PRSS23: variants seen among roughly 807,000 people sequenced by gnomAD.
PRSS23 encodes serine protease 23.
A neutral mutation model predicts 34.7 loss-of-function variants in PRSS23; 25 were observed. The observed-to-expected ratio is 0.72, with a 90% CI of 0.53 to 1.01. The LOEUF (loss-of-function observed/expected upper bound fraction) is 1.01, where lower values mean the gene tolerates loss of function less well. Ranked by LOEUF, PRSS23 falls within the 50% of genes least tolerant of loss-of-function variation. The pLI is 0.00. For missense variants in PRSS23, 445 were observed against 475.6 expected (o/e 0.94, Z 0.60); for synonymous variants, 176 against 186.6 (o/e 0.94, Z 0.46).
chr11:86,889,974 G>T (rs2134971257), intron 2 of PRSS23, among the ~76,000 whole-genome samples: 1 of 152,260 alleles, frequency 6.6e-6, no homozygotes, highest in South Asian at 2.1e-4. Context: ...TTTTTTAAAA[G>T]TTCCCCAGTT....
intron 2 of PRSS23, among the ~76,000 whole-genome samples, chr11:86,834,386 C>G (rs1028560110): frequency 6.6e-6 from 1 of 152,046 alleles, no homozygotes; most frequent in East Asian, 1.9e-4. Context: ...TTCTGAGTAC[C>G]GGGACTTGGT....
intron 1 of PRSS23, among the ~76,000 whole-genome samples, chr11:86,819,776 A>G (rs1948240145): frequency 1.3e-5 from 2 of 152,256 alleles, no homozygotes; most frequent in Admixed American, 1.3e-4. Context: ...ATACATTTTC[A>G]TCTTCATTTC....
In PRSS23 at chr11:86,919,356, G is replaced by A. The variant is rs955041148; in HGVS notation, c.207-31860G>A. Among the ~76,000 whole-genome samples the A allele has an allele frequency of 2.6e-5, 4 of 152,228 alleles. No individual in the cohort carries two copies. In the South Asian group the frequency reaches 6.2e-4, roughly 24 times the overall value. On this transcript the variant is annotated intron_variant, in intron 2 of 2. Coordinates refer to the PRSS23 transcript ENST00000533902. ...GTATTCAAGCCTGCCACAGACGGAG[G>A]CCCTGTGGGCCACTCTCTCGTTGTG...
intron 2 of PRSS23, among the ~76,000 whole-genome samples, chr11:86,824,125 T>C (rs896270749): frequency 1.4e-5 from 2 of 144,856 alleles, no homozygotes; most frequent in African/African-American, 2.6e-5. Context: ...CTGGGCAACA[T>C]AGTGAAATCC....
intron 2 of PRSS23, among the ~76,000 whole-genome samples, chr11:86,943,404 C>A (rs754563992): frequency 1.3e-5 from 2 of 152,152 alleles, no homozygotes; most frequent in African/African-American, 4.8e-5. Flanking sequence ...GCGGGAGGAT[C>A]GCCTGAGGTC....
At chr11:86,867,758 T>A (rs979993731) in intron 2 of PRSS23, among the ~76,000 whole-genome samples, 1 of 151,240 alleles carries the variant, frequency 6.6e-6, no homozygotes, top group Non-Finnish European at 1.5e-5. Flanking sequence ...GTGCTTATAG[T>A]CCCAGCTACT....
chr11:86,900,781 C>CTCTCTTTT (rs775258446), intron 2 of PRSS23, among the ~76,000 whole-genome samples: 1 of 94,020 alleles, frequency 1.1e-5, no homozygotes, highest in African/African-American at 4.5e-5. Flanking sequence ...ATCTCTCTCT[C>CTCTCTTTT]TTTTTTTTTT....
Position 86,848,967 on chromosome 11 carries a change from T to C in PRSS23, c.206+25374T>C, listed in dbSNP as rs1948508947. Among the ~76,000 whole-genome samples the C allele has an allele frequency of 2.0e-5, 3 of 152,252 alleles. No individual in the cohort carries two copies. In the South Asian group the frequency reaches 6.2e-4, roughly 32 times the overall value. ...GAAACAAACTGCCCCCTCGCCCATGTCCAATATGCCAAGGCAATCACTGGA... is the reference window on the plus strand; with the variant it reads ...GAAACAAACTGCCCCCTCGCCCATGCCCAATATGCCAAGGCAATCACTGGA... On this transcript the variant is annotated intron_variant, in intron 2 of 2. Transcript: ENST00000533902.
At chr11:86,867,874 C>CAAAAAAAAAAAAAAAAAAAAAAAA (rs11352878) in intron 2 of PRSS23, among the ~76,000 whole-genome samples, 3 of 118,312 alleles carry the variant, frequency 2.5e-5, no homozygotes, top group Admixed American at 8.5e-5. Flanking sequence ...GACCCTACCT[C>CAAAAAAAAAAAAAAAAAAAAAAAA]AAAAAAAAAA....
intron 1 of PRSS23, among the ~76,000 whole-genome samples, chr11:86,804,603 A>C (rs981519616): frequency 2.6e-5 from 4 of 152,234 alleles, no homozygotes; most frequent in Non-Finnish European, 5.9e-5. Flanking sequence ...TTTTTCTTAT[A>C]GATGGCTGGC....
intron 2 of PRSS23, among the ~76,000 whole-genome samples, chr11:86,914,234 A>G (rs1948998186): frequency 6.6e-6 from 1 of 152,120 alleles, no homozygotes; most frequent in African/African-American, 2.4e-5. Flanking sequence ...TCAAAAAACA[A>G]AAAACAACAA....
At chr11:86,822,411 A>G (rs1948258807) in intron 1 of PRSS23, among the ~76,000 whole-genome samples, 1 of 152,118 alleles carries the variant, frequency 6.6e-6, no homozygotes, top group Non-Finnish European at 1.5e-5. Context: ...GCTTGAGCTC[A>G]GGAGTTTGAG....
chr11:86,814,946 C>G (rs887825136), downstream of PRSS23, among the ~76,000 whole-genome samples: 1 of 152,174 alleles, frequency 6.6e-6, no homozygotes, highest in African/African-American at 2.4e-5. Flanking sequence ...ATACTGTGCT[C>G]TCTTAGTCTT....
chr11:86,798,339 C>T (rs541225632), upstream of PRSS23, among the ~76,000 whole-genome samples: 16 of 152,344 alleles, frequency 1.1e-4, no homozygotes, highest in African/African-American at 3.1e-4. Context: ...GTTACCACTT[C>T]ACTTGCTATG....
rs138869503 is a variant in PRSS23 at position 86,871,083 on chromosome 11, T to C, written c.206+47490T>C. 2.0e-5 allele frequency among the ~76,000 whole-genome samples: 3 copies of C among 152,300 alleles called. No homozygotes were observed. In the East Asian group the frequency reaches 5.8e-4, roughly 29 times the overall value. On this transcript the variant is annotated intron_variant, in intron 2 of 2. Transcript: ENST00000533902. ...TTTATTATACACTGGACCAGCTGAA[T>C]TGGAGCGCTTAGACTATATTTTCCT...
At chr11:86,848,289 C>G (rs1223051390) in intron 2 of PRSS23, among the ~76,000 whole-genome samples, 2 of 152,204 alleles carry the variant, frequency 1.3e-5, no homozygotes, top group East Asian at 3.8e-4. Flanking sequence ...GCTTTAGCAG[C>G]AGCCCAGCAA....
chr11:86,894,558 G>A (rs150795653), intron 2 of PRSS23, among the ~76,000 whole-genome samples: 1 of 152,234 alleles, frequency 6.6e-6, no homozygotes, highest in East Asian at 1.9e-4. Context: ...CAGTGTCAAG[G>A]GACCAGTGCC....
chr11:86,809,771 A>G lies in PRSS23; in HGVS notation c.*976A>G, dbSNP rs1948156563. On this transcript the variant is annotated 3_prime_UTR_variant, in exon 2 of 2. Transcript: ENST00000280258. ...TAAAATGAATTAAATTCCAGAGAAC[A>G]ATGGAAGCATTGCCTGGCAGATGTC... is the stretch of plus-strand genomic sequence containing the variant. 6.0e-6 allele frequency: 1 copy of G among 167,038 alleles called. No homozygotes were observed. The highest frequency in any genetic ancestry group is 2.4e-5 in the African/African-American group (1 of 41,446). The allele number at this position is 167,038 out of a possible 1,614,324, so 10.3% of individuals were successfully genotyped here. A position where few individuals can be genotyped will look rare whatever the true frequency, so the allele number is the denominator to read the frequency against.
At chr11:86,902,047 A>C (rs958685547) in intron 2 of PRSS23, among the ~76,000 whole-genome samples, 2 of 152,040 alleles carry the variant, frequency 1.3e-5, no homozygotes, top group African/African-American at 4.8e-5. Context: ...AATGGTGCTG[A>C]GCACAGAGTA....
Sources: allele counts gnomAD v4.1 joint callset (sites outside exome capture counted in the v4.1 genomes callset), GRCh38; gene constraint gnomAD v4.1.1; transcripts MANE v1.5; gene names NCBI Gene and HGNC (gene_info 2026-07-23, HGNC 2026-07-21).